Variants in VIPR1 observed in about 807,000 individuals in gnomAD.
VIPR1 encodes the protein vasoactive intestinal peptide receptor 1, also known as vasoactive intestinal polypeptide receptor 1.
In VIPR1, 59 loss-of-function variants were observed where a neutral mutation model predicts 58.8. The observed-to-expected ratio is 1.00, with a 90% CI of 0.81 to 1.25. The LOEUF is 1.25. VIPR1 is among the 50% of genes most tolerant of loss of function. VIPR1 has a pLI of 0.00. For synonymous variants in VIPR1, 251 were observed against 242.1 expected (o/e 1.04, Z -0.34); for missense variants, 626 against 602.7 (o/e 1.04, Z -0.40).
In VIPR1 at chr3:42,531,454, C is replaced by G; in HGVS notation, c.791-17C>G. 1.3e-6 allele frequency: 2 copies of G among 1,566,914 alleles called. No homozygotes were observed. Among genetic ancestry groups the G allele is most frequent in the South Asian group, 1.2e-5 (1 of 85,258 alleles). ...CCTGTGCCCTCTCTGCTCTTTCACT[C>G]TCCCTGGGCCTGACAGGGGTACCCA... On this transcript the variant is annotated splice_polypyrimidine_tract_variant and intron_variant, in intron 7 of 12. Coordinates refer to ENST00000325123, the MANE Select transcript of VIPR1 (RefSeq NM_004624.4).
intron 1 of VIPR1, among the ~76,000 whole-genome samples, chr3:42,491,806 C>T (rs560912725): frequency 6.6e-6 from 1 of 152,300 alleles, no homozygotes; most frequent in African/African-American, 2.4e-5. Context: ...AACTCCTGAC[C>T]TCAAGTGATC....
chr3:42,535,941 G>T, intron 12 of VIPR1, 149 bp from the exon 13 acceptor site: 1 of 984,996 alleles, frequency 1.0e-6, no homozygotes, highest in Non-Finnish European at 1.5e-6. Context: ...TCCCAAGTTT[G>T]CACCGCCCGA....
intron 1 of VIPR1, among the ~76,000 whole-genome samples, chr3:42,508,445 C>T (rs1441551097): frequency 2.6e-5 from 4 of 152,266 alleles, no homozygotes; most frequent in East Asian, 1.9e-4. Flanking sequence ...TGGGCGACGG[C>T]GTGTCACATG....
rs1183122451 is a variant in VIPR1 at position 42,534,849 on chromosome 3, G to A, written c.1011-126G>A. On this transcript the variant is annotated intron_variant, in intron 10 of 12. Transcript: ENST00000325123. ...GGCATAATATTCAGAGGAACCTACA[G>A]TCCATCCTCATACTTCCTGGTCATT... 10 of 1,273,836 alleles carry A rather than the reference G, an allele frequency of 7.9e-6. No individual in the cohort carries two copies. In the African/African-American group the frequency reaches 1.3e-4, roughly 17 times the overall value. The allele number at this position is 1,273,836 out of a possible 1,614,324, so 78.9% of individuals were successfully genotyped here.
rs1235869547 is a variant in VIPR1 at position 42,535,384 on chromosome 3, G to C, written c.1182G>C (p.Glu394Asp). The C allele has an allele frequency of 1.2e-6, 2 of 1,613,938 alleles. No homozygotes were observed. The highest frequency in any genetic ancestry group is 1.7e-6 in the Non-Finnish European group (2 of 1,179,976). ...VAILYCFLNG[E>D]VQAELRRKWR... The stretch of plus-strand genomic sequence containing the variant: ...TCCTCTACTGCTTCCTCAATGGTGA[G>C]GTAAGCCCCTCCCAGTCCTTGGGGC... Residue 394 changes from glutamate (E) to aspartate (D), a missense_variant and splice_region_variant, in exon 12 of 13, where the codon GAG becomes GAC. Glu to Asp is a conservative substitution (Grantham distance 45). Transcript: ENST00000325123.
chr3:42,532,006 C>T, intron 9 of VIPR1, 137 bp downstream of exon 9: 1 of 1,017,058 alleles, frequency 9.8e-7, no homozygotes, highest in Non-Finnish European at 1.5e-6. Flanking sequence ...AGGATCATCC[C>T]CACCCCTGTC....
chr3:42,535,850 C>T (rs1442699500), intron 12 of VIPR1, among the ~76,000 whole-genome samples: 1 of 152,136 alleles, frequency 6.6e-6, no homozygotes, highest in Non-Finnish European at 1.5e-5. Context: ...CCTCCCTCTC[C>T]CTGGACTGTA....
At chr3:42,514,828 A>G (rs1318386629) in intron 2 of VIPR1, among the ~76,000 whole-genome samples, 1 of 152,190 alleles carries the variant, frequency 6.6e-6, no homozygotes, top group Admixed American at 6.5e-5. Flanking sequence ...AGGACAGATG[A>G]CAGCACCCTC....
At chr3:42,520,216 G>A (rs1201837433) in intron 3 of VIPR1, among the ~76,000 whole-genome samples, 1 of 152,194 alleles carries the variant, frequency 6.6e-6, no homozygotes, top group Non-Finnish European at 1.5e-5. Flanking sequence ...GGCCAGTGTG[G>A]CTGGAGCAGG....
chr3:42,512,906 T>C, intron 1 of VIPR1: 1 of 985,492 alleles, frequency 1.0e-6, no homozygotes, highest in Non-Finnish European at 1.2e-6. Flanking sequence ...TTTTTCTGGC[T>C]ATTCCTAGAC....
rs1701767201 is a variant in VIPR1, at chr3:42,535,008, C to T, written c.1044C>T (p.Pro348=). ...RLARSTLLLI[P]LFGVHYIMFA... The stretch of plus-strand genomic sequence containing the variant: ...CCAGGTCCACACTCCTGCTGATCCC[C>T]CTGTTTGGAGTACACTACATCATGT... Residue 348 remains proline, a synonymous_variant, in exon 11 of 13, where the codon CCC becomes CCT. Coordinates refer to ENST00000325123, the MANE Select transcript of VIPR1 (RefSeq NM_004624.4). 6.2e-7 allele frequency: 1 copy of T among 1,614,196 alleles called. No individual in the cohort carries two copies. Among genetic ancestry groups the T allele is most frequent in the African/African-American group, 1.3e-5 (1 of 75,058 alleles).
At position 42,513,874 on chromosome 3, in the gene VIPR1, A is replaced by T. The variant is rs1700486764; in HGVS notation, c.184+20A>T. 2 of 1,550,386 alleles carry T rather than the reference A, an allele frequency of 1.3e-6. No individual in the cohort carries two copies. The highest frequency in any genetic ancestry group is 3.9e-5 in the Admixed American group (2 of 50,948). Reference sequence around the variant, plus strand: ...CAATAGGTGAGGCCCCCATGGGCAGAGAGGGGCTGCATGCCCCCAGGGAGC... The same window carrying T: ...CAATAGGTGAGGCCCCCATGGGCAGTGAGGGGCTGCATGCCCCCAGGGAGC... On this transcript the variant is annotated intron_variant, in intron 2 of 12. Transcript: ENST00000325123.
At chr3:42,499,228 GC>G (rs11341948), upstream of VIPR1, among the ~76,000 whole-genome samples, 73,378 of 151,978 alleles carry the variant, frequency 0.48, 18,700 homozygotes, top group Middle Eastern at 0.6. Flanking sequence ...CCACTCTGTG[GC>G]CCCCCCAGCC....
At chr3:42,510,432 G>A (rs1342853657) in intron 1 of VIPR1, among the ~76,000 whole-genome samples, 1 of 152,162 alleles carries the variant, frequency 6.6e-6, no homozygotes, top group Non-Finnish European at 1.5e-5. Context: ...GGATAATGAG[G>A]ATGTTTAGAA....
At chr3:42,524,558 T>C (rs1403152345) in intron 3 of VIPR1, among the ~76,000 whole-genome samples, 1 of 152,098 alleles carries the variant, frequency 6.6e-6, no homozygotes, top group African/African-American at 2.4e-5. Flanking sequence ...TCTTCATCCA[T>C]GAAGTAGGGT....
intron 1 of VIPR1, chr3:42,513,427 G>A (rs1429344488): frequency 1.0e-5 from 3 of 289,288 alleles, no homozygotes; most frequent in East Asian, 7.8e-5. Flanking sequence ...GAGTCCAGAG[G>A]GCCAGCTCAG....
At chr3:42,503,681 C>G (rs1166086933) in intron 1 of VIPR1, among the ~76,000 whole-genome samples, 4 of 152,140 alleles carry the variant, frequency 2.6e-5, no homozygotes, top group Non-Finnish European at 5.9e-5. Flanking sequence ...CCTCAGCACT[C>G]ATTGAGTCTA....
At chr3:42,503,854 T>C (rs1021993116) in intron 1 of VIPR1, among the ~76,000 whole-genome samples, 1 of 152,158 alleles carries the variant, frequency 6.6e-6, no homozygotes, top group African/African-American at 2.4e-5. Context: ...CCACTCCAAG[T>C]TGGCTGGGGG....
At chr3:42,515,690 A>G (rs755035996) in intron 2 of VIPR1, among the ~76,000 whole-genome samples, 1 of 152,222 alleles carries the variant, frequency 6.6e-6, no homozygotes, top group Non-Finnish European at 1.5e-5. Context: ...GTGCGTGTTC[A>G]TGCACATCTA....
Sources: allele counts gnomAD v4.1 joint callset (sites outside exome capture counted in the v4.1 genomes callset), GRCh38; gene constraint gnomAD v4.1.1; transcripts MANE v1.5; gene names NCBI Gene and HGNC (gene_info 2026-07-23, HGNC 2026-07-21).